Variants in PRKCQ observed in about 807,000 individuals in gnomAD.
The protein encoded by PRKCQ is protein kinase C theta.
In PRKCQ, 41 loss-of-function variants were observed where a neutral mutation model predicts 91.2. The observed-to-expected ratio is 0.45, with a 90% CI of 0.35 to 0.58. The LOEUF is 0.58. Ranked by LOEUF, PRKCQ falls within the 20% of genes least tolerant of loss-of-function variation. PRKCQ has a pLI of 0.00. For missense variants in PRKCQ, 673 were observed against 896.5 expected (o/e 0.75, Z 3.18); for synonymous variants, 307 against 316.9 (o/e 0.97, Z 0.33).
intron 1 of PRKCQ, among the ~76,000 whole-genome samples, chr10:6,535,723 T>G (rs1839557386): frequency 6.6e-6 from 1 of 152,126 alleles, no homozygotes; most frequent in Admixed American, 6.5e-5. Context: ...CTTGGTCTTT[T>G]GAAGTCTCCC....
At chr10:6,555,522 G>A (rs531355099) in intron 1 of PRKCQ, among the ~76,000 whole-genome samples, 1 of 152,222 alleles carries the variant, frequency 6.6e-6, no homozygotes, top group South Asian at 2.1e-4. Flanking sequence ...TCATTTGGAT[G>A]GGGGAAAAAA....
At chr10:6,489,586 C>A (rs74112639) in intron 8 of PRKCQ, 2 of 426,096 alleles carry the variant, frequency 4.7e-6, no homozygotes, top group Non-Finnish European at 9.7e-6. Flanking sequence ...GAGAAGAGGG[C>A]GAGAAGAGTC....
intron 1 of PRKCQ, among the ~76,000 whole-genome samples, chr10:6,562,444 G>A (rs960653716): frequency 1.5e-4 from 23 of 152,178 alleles, no homozygotes; most frequent in Admixed American, 9.2e-4. Flanking sequence ...CAGCCAAGCC[G>A]ACTGGATCTT....
intron 1 of PRKCQ, among the ~76,000 whole-genome samples, chr10:6,568,355 T>A (rs1217625812): frequency 6.6e-6 from 1 of 152,202 alleles, no homozygotes; most frequent in African/African-American, 2.4e-5. Flanking sequence ...CTTTTATCCT[T>A]TACTATTTTT....
chr10:6,519,859 T>G (rs1286557735), intron 1 of PRKCQ, among the ~76,000 whole-genome samples: 1 of 152,226 alleles, frequency 6.6e-6, no homozygotes, highest in Non-Finnish European at 1.5e-5. Context: ...GACTCTATTG[T>G]GTAATATGGA....
At chr10:6,489,077 G>A (rs989091205) in intron 8 of PRKCQ, among the ~76,000 whole-genome samples, 7 of 152,190 alleles carry the variant, frequency 4.6e-5, no homozygotes, top group Admixed American at 2.6e-4. Context: ...TACCGTGCCC[G>A]GCCTAAAATC....
chr10:6,440,537 G>A (rs1289938310), intron 16 of PRKCQ, among the ~76,000 whole-genome samples: 1 of 152,152 alleles, frequency 6.6e-6, no homozygotes, highest in East Asian at 1.9e-4. Flanking sequence ...CTTCTACCTG[G>A]TAAGGTCTGA....
Position 6,428,070 on chromosome 10 carries a change from TG to T in PRKCQ, c.*136del. ...GTTTCTGCTACAGATAAAAGTCACA[TG>T]GGGGCGAACGGGTCTCAGTCTTTAT... On this transcript the variant is annotated 3_prime_UTR_variant, in exon 18 of 18. Transcript: ENST00000263125. 9.2e-7 allele frequency: 1 copy of T among 1,084,752 alleles called. No individual in the cohort carries two copies. Among genetic ancestry groups the T allele is most frequent in the Non-Finnish European group, 1.3e-6 (1 of 751,882 alleles). 67.2% of individuals were successfully genotyped at this position (1,084,752 alleles called of 1,614,324 possible). A position where few individuals can be genotyped will look rare whatever the true frequency, so the allele number is the denominator to read the frequency against.
chr10:6,437,593 A>G (rs1358178598), intron 16 of PRKCQ, among the ~76,000 whole-genome samples: 1 of 152,138 alleles, frequency 6.6e-6, no homozygotes, highest in South Asian at 2.1e-4. Context: ...TAGTGTTTGA[A>G]CCTGCCTTTA....
At chr10:6,569,647 G>A (rs1282158191) in intron 1 of PRKCQ, among the ~76,000 whole-genome samples, 1 of 152,134 alleles carries the variant, frequency 6.6e-6, no homozygotes, top group Non-Finnish European at 1.5e-5. Flanking sequence ...TGGTGGGAGT[G>A]TGACAGGCTG....
chr10:6,513,066 G>A (rs898874662), intron 2 of PRKCQ, among the ~76,000 whole-genome samples: 1 of 152,114 alleles, frequency 6.6e-6, no homozygotes, highest in African/African-American at 2.4e-5. Context: ...CCAAAGCAAG[G>A]CACTTTTTAC....
intron 3 of PRKCQ, among the ~76,000 whole-genome samples, chr10:6,510,543 C>G (rs531041253): frequency 1.3e-5 from 2 of 152,264 alleles, no homozygotes; most frequent in African/African-American, 2.4e-5. Context: ...TGTTCTGAGT[C>G]TACTGGGTTA....
chr10:6,499,825 A>G (rs143672018), intron 4 of PRKCQ, among the ~76,000 whole-genome samples: 2 of 152,326 alleles, frequency 1.3e-5, no homozygotes, highest in African/African-American at 4.8e-5. Context: ...TTATTGTCCA[A>G]TCCCTAACAG....
At chr10:6,449,807 C>T (rs932542245) in intron 15 of PRKCQ, among the ~76,000 whole-genome samples, 74 of 152,262 alleles carry the variant, frequency 4.9e-4, no homozygotes, top group African/African-American at 1.7e-3. Flanking sequence ...GAATTTTCAA[C>T]CCACAATTTC....
rs1833179766 is a variant in PRKCQ, at chr10:6,427,602, T to C, written c.*605A>G. Reference sequence around the variant, plus strand: ...TTCCACTTGTCCTCTTGACCATGGATTTCATGCCCAATCAGGATGAATGGA... The same window carrying C: ...TTCCACTTGTCCTCTTGACCATGGACTTCATGCCCAATCAGGATGAATGGA... On this transcript the variant is annotated 3_prime_UTR_variant, in exon 18 of 18. Coordinates refer to ENST00000263125, the MANE Select transcript of PRKCQ (RefSeq NM_006257.5). 1 of 152,518 alleles carries C rather than the reference T, an allele frequency of 6.6e-6. No homozygotes were observed. Among genetic ancestry groups the C allele is most frequent in the Non-Finnish European group, 1.5e-5 (1 of 68,268 alleles). The allele number at this position is 152,518 out of a possible 1,614,324, so 9.4% of individuals were successfully genotyped here.
the PRKCQ span, among the ~76,000 whole-genome samples, chr10:6,409,874 C>T: frequency 6.6e-6 from 1 of 152,098 alleles, no homozygotes; most frequent in Non-Finnish European, 1.5e-5. Context: ...GCAGTTACTC[C>T]AATGCCAAAA....
chr10:6,511,221 T>C, intron 2 of PRKCQ, 27 bp from the exon 3 acceptor site: 1 of 1,604,428 alleles, frequency 6.2e-7, no homozygotes, highest in Non-Finnish European at 8.5e-7. Context: ...AAGGTCTCAT[T>C]ATTCCTTCAG....
downstream of PRKCQ, among the ~76,000 whole-genome samples, chr10:6,426,514 G>A (rs1415551567): frequency 6.6e-6 from 1 of 152,146 alleles, no homozygotes; most frequent in East Asian, 1.9e-4. Context: ...TGTAGTCATG[G>A]TGCTATTTTC....
intron 4 of PRKCQ, among the ~76,000 whole-genome samples, chr10:6,504,920 G>A (rs951402455): frequency 9.6e-4 from 140 of 146,596 alleles, no homozygotes; most frequent in African/African-American, 3.4e-3. Context: ...TTGAGATGGT[G>A]TCTCACTCTG....
Sources: allele counts gnomAD v4.1 joint callset (sites outside exome capture counted in the v4.1 genomes callset), GRCh38; gene constraint gnomAD v4.1.1; transcripts MANE v1.5; gene names NCBI Gene and HGNC (gene_info 2026-07-23, HGNC 2026-07-21).